KCNMA1: variants seen among roughly 807,000 people sequenced by gnomAD.
KCNMA1 encodes Calcium-activated potassium channel subunit alpha-1.
A neutral mutation model predicts 140.0 loss-of-function variants in KCNMA1; 29 were observed. That is an observed-to-expected ratio of 0.21 (90% CI 0.15 to 0.28). The LOEUF (loss-of-function observed/expected upper bound fraction) is 0.28. Among genes scored for constraint, KCNMA1 ranks in the 10% least tolerant of loss-of-function variants. The pLI, the probability that KCNMA1 is intolerant of heterozygous loss-of-function variation, is 1.00. For missense variants in KCNMA1, 880 were observed against 1,602.2 expected, an observed-to-expected ratio of 0.55 and a Z score of 7.70; for synonymous variants, 612 against 611.9, an observed-to-expected ratio of 1.00 and a Z score of 0.00.
At chr10:77,058,024 CTTAAGTT>C (rs1229462101) in intron 14 of KCNMA1, among the ~76,000 whole-genome samples, 1 of 151,592 alleles carries the variant, frequency 6.6e-6, no homozygotes, top group Admixed American at 6.6e-5. Context: ...AAGAAGATCA[CTTAAGTT>C]TTAAAGATAG....
chr10:77,466,697 G>A (rs1348671589), intron 1 of KCNMA1, among the ~76,000 whole-genome samples: 1 of 152,182 alleles, frequency 6.6e-6, no homozygotes, highest in Non-Finnish European at 1.5e-5. Flanking sequence ...TCTAGTGAGA[G>A]AGTAAGGAGC....
At chr10:77,501,875 G>A (rs2044036845) in intron 1 of KCNMA1, among the ~76,000 whole-genome samples, 1 of 152,160 alleles carries the variant, frequency 6.6e-6, no homozygotes, top group Non-Finnish European at 1.5e-5. Flanking sequence ...TGTCCTGTGG[G>A]GCAGGAAACA....
chr10:77,049,971 A>G (rs1429477622), intron 14 of KCNMA1, among the ~76,000 whole-genome samples: 1 of 152,198 alleles, frequency 6.6e-6, no homozygotes, highest in Non-Finnish European at 1.5e-5. Context: ...CTTGAATTTG[A>G]AAGACAAAAC....
chr10:77,181,310 C>T (rs1565038812), intron 5 of KCNMA1, among the ~76,000 whole-genome samples: 1 of 152,206 alleles, frequency 6.6e-6, no homozygotes, highest in Non-Finnish European at 1.5e-5. Context: ...CACCTCTCCC[C>T]TTCCCCATCG....
intron 2 of KCNMA1, among the ~76,000 whole-genome samples, chr10:77,302,449 G>T (rs548342146): frequency 2.0e-5 from 3 of 152,166 alleles, no homozygotes; most frequent in African/African-American, 7.2e-5. Flanking sequence ...GCATTGCTCG[G>T]GTCCAGGCCC....
intron 2 of KCNMA1, among the ~76,000 whole-genome samples, chr10:77,338,175 C>T (rs2089827330): frequency 6.6e-6 from 1 of 152,158 alleles, no homozygotes; most frequent in African/African-American, 2.4e-5. Context: ...TCTTTGGTCA[C>T]AGACTCAGCT....
chr10:77,378,508 T>C (rs568791972), intron 2 of KCNMA1, among the ~76,000 whole-genome samples: 41 of 152,192 alleles, frequency 2.7e-4, no homozygotes, highest in Non-Finnish European at 4.3e-4. Context: ...GTCTCTCTCT[T>C]GCCATATGCA....
chr10:77,324,940 A>ACTCTTTCTCTCT (rs2083462499), intron 2 of KCNMA1, among the ~76,000 whole-genome samples: 2 of 93,416 alleles, frequency 2.1e-5, no homozygotes, highest in African/African-American at 6.4e-5. Flanking sequence ...ATAGCTCTAG[A>ACTCTTTCTCTCT]CTCTCTCTCT....
At chr10:76,937,904 T>A (rs12762724) in intron 23 of KCNMA1, among the ~76,000 whole-genome samples, 11,313 of 151,824 alleles carry the variant, frequency 0.075, 778 homozygotes, top group African/African-American at 0.18. Context: ...GCTGTGTGTG[T>A]GTGTGCGTAT....
At chr10:77,582,185 T>C (rs1051120028) in intron 1 of KCNMA1, among the ~76,000 whole-genome samples, 1 of 152,160 alleles carries the variant, frequency 6.6e-6, no homozygotes, top group African/African-American at 2.4e-5. Flanking sequence ...TGACATTGAG[T>C]CTAGCTCAGG....
Position 76,886,347 on chromosome 10 carries a change from G to T in KCNMA1, c.*919C>A, listed in dbSNP as rs986636086. 1.0e-6 allele frequency: 1 copy of T among 984,846 alleles called. No homozygotes were observed. Among genetic ancestry groups the T allele is most frequent in the Non-Finnish European group, 1.2e-6 (1 of 829,566 alleles). The allele number at this position is 984,846 out of a possible 1,614,324, so 61.0% of individuals were successfully genotyped here. ...GTAAGTAATTCACCTTTTAAAAGAT[G>T]TAAAAGTCCCAGGAAGGCAGTTTTT... On this transcript the variant is annotated 3_prime_UTR_variant, in exon 28 of 28. Transcript: ENST00000286628.
chr10:77,303,143 C>A (rs182749563), intron 2 of KCNMA1, among the ~76,000 whole-genome samples: 47 of 152,274 alleles, frequency 3.1e-4, no homozygotes, highest in Admixed American at 2.5e-3. Flanking sequence ...AGCTCATTTA[C>A]GATGGCATTT....
chr10:77,059,858 C>T (rs982959940), intron 14 of KCNMA1, among the ~76,000 whole-genome samples: 4 of 152,028 alleles, frequency 2.6e-5, no homozygotes, highest in Non-Finnish European at 2.9e-5. Context: ...AAGTGCTAGC[C>T]GGTACAATAT....
chr10:77,560,746 G>A (rs533984766), intron 1 of KCNMA1, among the ~76,000 whole-genome samples: 2 of 152,332 alleles, frequency 1.3e-5, no homozygotes, highest in East Asian at 3.9e-4. Flanking sequence ...AGAGATGCCA[G>A]CCAAGCACCC....
At chr10:77,138,405 T>C (rs2154014178) in intron 5 of KCNMA1, among the ~76,000 whole-genome samples, 1 of 152,280 alleles carries the variant, frequency 6.6e-6, no homozygotes, top group Admixed American at 6.5e-5. Flanking sequence ...ATTATAGGCA[T>C]AAGCCATTTT....
chr10:77,308,800 C>T (rs1294012737), intron 2 of KCNMA1, among the ~76,000 whole-genome samples: 1 of 152,140 alleles, frequency 6.6e-6, no homozygotes, highest in Non-Finnish European at 1.5e-5. Context: ...GGCCATATTC[C>T]CCTGAGATAC....
intron 1 of KCNMA1, among the ~76,000 whole-genome samples, chr10:77,612,652 C>T (rs1238586920): frequency 6.6e-6 from 1 of 152,098 alleles, no homozygotes; most frequent in Non-Finnish European, 1.5e-5. Flanking sequence ...CTGTGCATGC[C>T]CTACATGTAT....
intron 5 of KCNMA1, among the ~76,000 whole-genome samples, chr10:77,125,623 C>T (rs2097714986): frequency 6.6e-6 from 1 of 152,250 alleles, no homozygotes; most frequent in Admixed American, 6.5e-5. Flanking sequence ...CTTTTCTCCT[C>T]AGCATGAAGC....
At chr10:76,950,930 C>T (rs999409139) in intron 21 of KCNMA1, among the ~76,000 whole-genome samples, 6 of 152,146 alleles carry the variant, frequency 3.9e-5, no homozygotes, top group Non-Finnish European at 7.4e-5. Context: ...CCACTTCCTG[C>T]AGAAGACCTG....
Sources: allele counts gnomAD v4.1 joint callset (sites outside exome capture counted in the v4.1 genomes callset), GRCh38; gene constraint gnomAD v4.1.1; transcripts MANE v1.5; gene names NCBI Gene and HGNC (gene_info 2026-07-23, HGNC 2026-07-21).